The following ERCC2 variants were observed in gnomAD, a reference collection of about 807,000 sequenced individuals.
ERCC2 encodes the protein ERCC excision repair 2, TFIIH core complex helicase subunit.
ERCC2 carries 90 observed loss-of-function variants against 99.4 expected under a neutral mutation model. That is an observed-to-expected ratio of 0.91 (90% CI 0.76 to 1.08). ERCC2 has a LOEUF of 1.08. Ranked by LOEUF, ERCC2 falls within the 50% of genes least tolerant of loss-of-function variation. ERCC2 has a pLI of 0.00. For missense variants in ERCC2, 993 were observed against 1,038.1 expected (o/e 0.96, Z 0.60); for synonymous variants, 497 against 432.4 (o/e 1.15, Z -1.85).
chr19:45,352,123 G>A (rs1384502388), intron 22 of ERCC2, 86 bp downstream of exon 22: 3 of 1,445,222 alleles, frequency 2.1e-6, no homozygotes, highest in African/African-American at 1.4e-5. Context: ...GGCAGGCTGA[G>A]GGTGGGGAGT....
At chr19:45,369,481 A>G (rs1372514800) in intron 2 of ERCC2, among the ~76,000 whole-genome samples, 2 of 152,222 alleles carry the variant, frequency 1.3e-5, no homozygotes, top group Non-Finnish European at 2.9e-5. Context: ...AGCTGGGCCA[A>G]CAAGGTGAAA....
chr19:45,368,052 TTAG>T (rs2123310289), intron 5 of ERCC2, among the ~76,000 whole-genome samples: 1 of 152,156 alleles, frequency 6.6e-6, no homozygotes, highest in East Asian at 1.9e-4. Context: ...TTTTGTATTT[TTAG>T]TAGAAATGGG....
intron 16 of ERCC2, among the ~76,000 whole-genome samples, chr19:45,355,076 G>T (rs1392788761): frequency 6.6e-6 from 1 of 152,254 alleles, no homozygotes; most frequent in Non-Finnish European, 1.5e-5. Flanking sequence ...TGCAGAAGGG[G>T]CCGGGCGCTG....
In ERCC2 at chr19:45,353,154, G is replaced by T; in HGVS notation, c.1760C>A (p.Ala587Asp). The change falls in exon 19 of 23, where the codon GCC becomes GAC. Residue 587 changes from alanine to aspartate, a missense_variant and splice_region_variant. By Grantham distance (126) the Ala-to-Asp change is moderately radical (BLOSUM62 -2). Coordinates refer to ENST00000391945, the MANE Select transcript of ERCC2 (RefSeq NM_000400.4). ...GATGGCCCCGCGGCCATTCTCGCAG[G>T]CCTGAGGTGGGGAGACCGAGACGCA... ...TSVALEKYQE[A>D]CENGRGAILL... 6.2e-7 allele frequency: 1 copy of T among 1,613,832 alleles called. No homozygotes were observed. Among genetic ancestry groups the T allele is most frequent in the Non-Finnish European group, 8.5e-7 (1 of 1,179,932 alleles).
intron 5 of ERCC2, among the ~76,000 whole-genome samples, chr19:45,365,863 G>A (rs566617721): frequency 6.6e-6 from 1 of 152,108 alleles, no homozygotes; most frequent in Admixed American, 6.5e-5. Context: ...TTGGAGACAA[G>A]TCCCTCTGCT....
chr19:45,355,520 G>C (rs1971982257), intron 16 of ERCC2, 145 bp downstream of exon 16: 1 of 793,842 alleles, frequency 1.3e-6, no homozygotes, highest in African/African-American at 1.7e-5. Context: ...CCAGCTCACA[G>C]TGGACGTGTA....
In ERCC2 at chr19:45,349,898, C is replaced by T. The variant is rs1173214373; in HGVS notation, c.*1731G>A. On this transcript the variant is annotated 3_prime_UTR_variant, in exon 23 of 23. Transcript: ENST00000391945. ...GGCTCCCCTCTTAGCCCGGTCCCCA[C>T]ATCGCTAGTTCTTATAGCGTCCCTA... The T allele has an allele frequency of 6.5e-6, 3 of 462,506 alleles. No individual in the cohort carries two copies. In the Admixed American group the frequency reaches 1.2e-4, roughly 18 times the overall value. 28.7% of individuals were successfully genotyped at this position (462,506 alleles called of 1,614,324 possible). A position where few individuals can be genotyped will look rare whatever the true frequency, so the allele number is the denominator to read the frequency against.
intron 1 of ERCC2, 113 bp downstream of exon 1, chr19:45,370,423 C>T (rs1972568771): frequency 6.7e-7 from 1 of 1,486,348 alleles, no homozygotes; most frequent in Non-Finnish European, 9.0e-7. Flanking sequence ...GCCCCCGTCC[C>T]ACCCCTTCAC....
At position 45,350,977 on chromosome 19, in the gene ERCC2, ACACACTGAACGTG is replaced by A; in HGVS notation, c.*639_*651del. On this transcript the variant is annotated 3_prime_UTR_variant, in exon 23 of 23. Coordinates refer to ENST00000391945, the MANE Select transcript of ERCC2 (RefSeq NM_000400.4). ...AGAATGAAGAGAGCCATGTCACTCA[ACACACTGAACGTG>A]GATGCTCCAAGGGCTCCTGGGACTC... 6.2e-7 allele frequency: 1 copy of A among 1,614,070 alleles called. No homozygotes were observed. The highest frequency in any genetic ancestry group is 2.2e-5 in the East Asian group (1 of 44,874).
At chr19:45,367,364 T>TACAC (rs1277272381) in intron 5 of ERCC2, among the ~76,000 whole-genome samples, 20 of 102,268 alleles carry the variant, frequency 2.0e-4, no homozygotes, top group African/African-American at 5.1e-4. Flanking sequence ...AATATATATA[T>TACAC]ATATACACAC....
At chr19:45,351,951 G>T (rs142229130) in intron 22 of ERCC2, among the ~76,000 whole-genome samples, 7 of 152,324 alleles carry the variant, frequency 4.6e-5, no homozygotes, top group African/African-American at 1.7e-4. Flanking sequence ...GGCCAGCACC[G>T]TCTCTCCTGA....
At chr19:45,359,760 T>C (rs1034450680) in intron 12 of ERCC2, among the ~76,000 whole-genome samples, 4 of 150,748 alleles carry the variant, frequency 2.7e-5, no homozygotes, top group Non-Finnish European at 5.9e-5. Flanking sequence ...CTCCTGCCTC[T>C]AGTCCCTGCC....
chr19:45,358,655 A>G lies in ERCC2; in HGVS notation c.1238-956T>C, dbSNP rs569874212. The G allele has an allele frequency of 1.1e-5, 7 of 613,072 alleles. No homozygotes were observed. The South Asian group carries it at 1.3e-4, about 11-fold the overall frequency. The allele number at this position is 613,072 out of a possible 1,614,324, so 38.0% of individuals were successfully genotyped here. On this transcript the variant is annotated intron_variant, in intron 12 of 22. Coordinates refer to ENST00000391945, the MANE Select transcript of ERCC2 (RefSeq NM_000400.4). ...CCCATGTGGCCTGGAAAACCTCCCA[A>G]GGCTGCTCCATTTGGTCATCTGAGA...
intron 5 of ERCC2, among the ~76,000 whole-genome samples, chr19:45,365,997 C>T (rs544562898): frequency 1.3e-3 from 196 of 152,002 alleles, no homozygotes; most frequent in Middle Eastern, 3.4e-3. Flanking sequence ...CCACCATGCC[C>T]GGCTAATTTT....
intron 16 of ERCC2, 110 bp from the exon 17 acceptor site, chr19:45,354,961 C>T (rs1568534266): frequency 7.2e-7 from 1 of 1,391,704 alleles, no homozygotes; most frequent in Non-Finnish European, 1.0e-6. Flanking sequence ...TCAGGCTTTT[C>T]ACACATATCC....
Position 45,351,691 on chromosome 19 carries a change from G to A in ERCC2, c.2221C>T (p.Leu741=), listed in dbSNP as rs370170190. The stretch of plus-strand genomic sequence containing the variant: ...GTCTCCTCTGATTCTAGCTGCTCCA[G>A]GCTGAGCAGGGACAGGCCCAGCTGA... ...EDQLGLSLLS[L]EQLESEETLK... Residue 741 remains leucine, a synonymous_variant, in exon 23 of 23, where the codon CTG becomes TTG. Transcript: ENST00000391945. 5.9e-5 allele frequency: 96 copies of A among 1,613,814 alleles called. No homozygotes were observed. The highest frequency in any genetic ancestry group is 7.5e-5 in the Non-Finnish European group (89 of 1,180,004).
chr19:45,354,529 T>C (rs977505268), intron 17 of ERCC2, among the ~76,000 whole-genome samples: 3 of 152,190 alleles, frequency 2.0e-5, no homozygotes, highest in African/African-American at 7.2e-5. Context: ...TTGGGGCTTA[T>C]ATCTGCATTC....
chr19:45,360,247 A>G (rs1389809829), intron 12 of ERCC2, among the ~76,000 whole-genome samples: 1 of 151,018 alleles, frequency 6.6e-6, no homozygotes, highest in Non-Finnish European at 1.5e-5. Context: ...CGCCCAGCTA[A>G]CTTTTTTTGT....
At position 45,370,425 on chromosome 19, in the gene ERCC2, C is replaced by G; in HGVS notation, c.5+111G>C. On this transcript the variant is annotated intron_variant, in intron 1 of 22. Coordinates refer to ENST00000391945, the MANE Select transcript of ERCC2 (RefSeq NM_000400.4). ...GCTCCCTGCGGCTGCCCCCGTCCCA[C>G]CCCTTCACCCTCCCCTCGCCCCCTT... 3 of 1,491,176 alleles carry G rather than the reference C, an allele frequency of 2.0e-6. 1 individual carries two copies. In the South Asian group the frequency reaches 3.7e-5, roughly 18 times the overall value. 92.4% of individuals were successfully genotyped at this position (1,491,176 alleles called of 1,614,324 possible). A position where few individuals can be genotyped will look rare whatever the true frequency, so the allele number is the denominator to read the frequency against.
Sources: allele counts gnomAD v4.1 joint callset (sites outside exome capture counted in the v4.1 genomes callset), GRCh38; gene constraint gnomAD v4.1.1; transcripts MANE v1.5; gene names NCBI Gene and HGNC (gene_info 2026-07-23, HGNC 2026-07-21).